SREK1IP1: variants seen among roughly 807,000 people sequenced by gnomAD.
The protein encoded by SREK1IP1 is SREK1 interacting protein 1, also known as protein SREK1IP1.
SREK1IP1 carries 12 observed loss-of-function variants against 22.8 expected under a neutral mutation model. The ratio of observed to expected loss-of-function variants is 0.53; its 90% confidence interval spans 0.34 to 0.85. SREK1IP1 has a LOEUF of 0.85. SREK1IP1 is among the 40% of genes least tolerant of loss of function. The pLI is 0.02. For missense variants in SREK1IP1, 147 were observed against 171.8 expected (o/e 0.86, Z 0.81); for synonymous variants, 53 against 52.7 (o/e 1.01, Z -0.02).
intron 3 of SREK1IP1, among the ~76,000 whole-genome samples, chr5:64,738,893 T>TA (rs1677260044): frequency 1.3e-5 from 2 of 152,188 alleles, no homozygotes; most frequent in South Asian, 4.1e-4. Context: ...TGGTTGAAAA[T>TA]ATTATTCTGA....
In SREK1IP1 at chr5:64,768,620, C is replaced by T. The variant is rs1743114133; in HGVS notation, c.-103G>A. On this transcript the variant is annotated 5_prime_UTR_variant, in exon 1 of 5. Transcript: ENST00000513458. ...ACAGTCAAAGCGGCGTTTTCCTTCC[C>T]CCAGCGCAGCAGCACCCTCGCTACG... 4 of 1,552,688 alleles carry T rather than the reference C, an allele frequency of 2.6e-6. No homozygotes were observed. Among genetic ancestry groups the T allele is most frequent in the South Asian group, 1.1e-5 (1 of 88,166 alleles).
chr5:64,757,431 C>A (rs764550791), intron 1 of SREK1IP1, among the ~76,000 whole-genome samples: 1 of 152,154 alleles, frequency 6.6e-6, no homozygotes, highest in South Asian at 2.1e-4. Flanking sequence ...TGTTCTACTA[C>A]AATACTTGTT....
chr5:64,764,217 G>A (rs144722814), intron 1 of SREK1IP1, among the ~76,000 whole-genome samples: 13 of 152,272 alleles, frequency 8.5e-5, no homozygotes, highest in African/African-American at 2.6e-4. Flanking sequence ...GTCGTCCTGA[G>A]CTGCATGCAG....
intron 3 of SREK1IP1, among the ~76,000 whole-genome samples, chr5:64,734,383 A>G (rs1440593910): frequency 6.6e-6 from 1 of 151,872 alleles, no homozygotes; most frequent in Non-Finnish European, 1.5e-5. Flanking sequence ...CATTTCCACA[A>G]GTACTTTAGA....
At chr5:64,766,316 C>T (rs1743031991) in intron 1 of SREK1IP1, among the ~76,000 whole-genome samples, 1 of 152,150 alleles carries the variant, frequency 6.6e-6, no homozygotes, top group Non-Finnish European at 1.5e-5. Flanking sequence ...GTTGTCATGT[C>T]AGTAAACAGC....
At position 64,747,655 on chromosome 5, in the gene SREK1IP1, G is replaced by A. The variant is rs889955630; in HGVS notation, c.62-6455C>T. Among the ~76,000 whole-genome samples, 7 of 151,954 alleles carry A rather than the reference G, an allele frequency of 4.6e-5. No individual in the cohort carries two copies. The East Asian group carries it at 5.8e-4, about 13-fold the overall frequency. ...CAGTTTGGCAGTTTTTCGGCCGGGC[G>A]CGGTGGCTCACGCCTGTAATCCCAG... On this transcript the variant is annotated intron_variant, in intron 2 of 4. Coordinates refer to ENST00000513458, the MANE Select transcript of SREK1IP1 (RefSeq NM_173829.4).
In SREK1IP1 at chr5:64,768,536, A is replaced by C; in HGVS notation, c.-19T>G. On this transcript the variant is annotated 5_prime_UTR_variant, in exon 1 of 5. Transcript: ENST00000513458. ...CTGCCATGACGGTGGTAAGAGGGGT[A>C]ACTCGAGCCTCTGGCTTTCGAAAAG... 1 of 1,614,172 alleles carries C rather than the reference A, an allele frequency of 6.2e-7. No individual in the cohort carries two copies. Among genetic ancestry groups the C allele is most frequent in the Non-Finnish European group, 8.5e-7 (1 of 1,180,008 alleles).
rs988781625 is a variant in SREK1IP1 at position 64,749,603 on chromosome 5, G to C, written c.61+4712C>G. 5.9e-5 allele frequency among the ~76,000 whole-genome samples: 9 copies of C among 151,938 alleles called. No individual in the cohort carries two copies. In the East Asian group the frequency reaches 1.7e-3, roughly 29 times the overall value. ...AGGTGCACGCCACCGTGCCTGGCTA[G>C]TTTTTTTGTTTGTTTTTTGTAGAGA... On this transcript the variant is annotated intron_variant, in intron 2 of 4. Coordinates refer to ENST00000513458, the MANE Select transcript of SREK1IP1 (RefSeq NM_173829.4).
Position 64,724,458 on chromosome 5 carries a change from T to C in SREK1IP1, c.394A>G (p.Lys132Glu), listed in dbSNP as rs1742228421. The C allele has an allele frequency of 6.3e-7, 1 of 1,591,472 alleles. No individual in the cohort carries two copies. Among genetic ancestry groups the C allele is most frequent in the Non-Finnish European group, 8.5e-7 (1 of 1,173,972 alleles). ...KSKSKKGKHH[K>E]KEKKKRKKEK... ...TTTTTTCTCTTCTTTTTTTCCTTTT[T>C]GTGATGTTTCCCTTTTTTTGATTTA... Residue 132 changes from lysine to glutamate, a missense_variant, in exon 5 of 5, where the codon AAA becomes GAA. Physicochemically the swap from Lys to Glu is moderately conservative, Grantham distance 56. Transcript: ENST00000513458.
At chr5:64,724,664 G>T in intron 4 of SREK1IP1, 91 bp from the exon 5 acceptor site, 1 of 1,012,168 alleles carries the variant, frequency 9.9e-7, no homozygotes, top group Non-Finnish European at 1.4e-6. Flanking sequence ...ATTCTTCTTG[G>T]AGTAAGGTAG....
chr5:64,724,453 C>CT lies in SREK1IP1; in HGVS notation c.398dup (p.Glu134GlyfsTer15). On this transcript the variant is annotated frameshift_variant, in exon 5 of 5. Coordinates refer to ENST00000513458, the MANE Select transcript of SREK1IP1 (RefSeq NM_173829.4). LOFTEE classifies it high-confidence loss of function. ...TTTCCTTTTTTCTCTTCTTTTTTTC[C>CT]TTTTTGTGATGTTTCCCTTTTTTTG... The CT allele has an allele frequency of 6.3e-7, 1 of 1,585,292 alleles. No homozygotes were observed. Among genetic ancestry groups the CT allele is most frequent in the East Asian group, 2.2e-5 (1 of 44,466 alleles).
At chr5:64,762,484 T>C (rs1742966686) in intron 1 of SREK1IP1, among the ~76,000 whole-genome samples, 1 of 152,158 alleles carries the variant, frequency 6.6e-6, no homozygotes, top group African/African-American at 2.4e-5. Flanking sequence ...TAATATCTAT[T>C]TATATAATAT....
rs1434214401 is a variant in SREK1IP1, at chr5:64,724,256, T to C, written c.*128A>G. On this transcript the variant is annotated 3_prime_UTR_variant, in exon 5 of 5. Transcript: ENST00000513458. The stretch of plus-strand genomic sequence containing the variant: ...TTGCCAGAGGGATAATGGTCCCAAA[T>C]ACGAAAAATGTCTATATGGAAAAGG... 1.1e-5 allele frequency: 9 copies of C among 797,000 alleles called. No individual in the cohort carries two copies. The highest frequency in any genetic ancestry group is 1.7e-5 in the Non-Finnish European group (9 of 515,846). The allele number at this position is 797,000 out of a possible 1,614,324, so 49.4% of individuals were successfully genotyped here.
intron 1 of SREK1IP1, among the ~76,000 whole-genome samples, chr5:64,759,906 T>C (rs559080026): frequency 6.6e-6 from 1 of 152,220 alleles, no homozygotes; most frequent in South Asian, 2.1e-4. Context: ...TACTATCTCT[T>C]ATGGAAAGCA....
intron 1 of SREK1IP1, 77 bp downstream of exon 1, chr5:64,768,428 A>T (rs1178697257): frequency 8.1e-6 from 13 of 1,597,374 alleles, no homozygotes; most frequent in Non-Finnish European, 1.1e-5. Context: ...GCTGCTCCGT[A>T]CACGCCGCAC....
intron 1 of SREK1IP1, among the ~76,000 whole-genome samples, chr5:64,759,381 C>T (rs530153192): frequency 6.6e-5 from 10 of 152,270 alleles, no homozygotes; most frequent in Admixed American, 5.9e-4. Flanking sequence ...CTGCCTTGGG[C>T]TCCCGTGCAG....
intron 2 of SREK1IP1, among the ~76,000 whole-genome samples, chr5:64,742,408 G>A (rs1320609800): frequency 6.6e-6 from 1 of 151,492 alleles, no homozygotes; most frequent in East Asian, 1.9e-4. Context: ...CACATTCATG[G>A]ATAAATACAC....
chr5:64,735,193 T>C (rs1269635428), intron 3 of SREK1IP1, among the ~76,000 whole-genome samples: 1 of 152,042 alleles, frequency 6.6e-6, no homozygotes, highest in African/African-American at 2.4e-5. Context: ...ATACCATGAA[T>C]TACACTGACT....
At chr5:64,744,527 G>A (rs561181167) in intron 2 of SREK1IP1, among the ~76,000 whole-genome samples, 29 of 152,174 alleles carry the variant, frequency 1.9e-4, no homozygotes, top group Admixed American at 9.2e-4. Context: ...ACCCACCACC[G>A]CTAACAGTTC....
Sources: allele counts gnomAD v4.1 joint callset (sites outside exome capture counted in the v4.1 genomes callset), GRCh38; gene constraint gnomAD v4.1.1; transcripts MANE v1.5; gene names NCBI Gene and HGNC (gene_info 2026-07-23, HGNC 2026-07-21).